Variants in GSE1 observed in about 807,000 individuals in gnomAD.
GSE1 encodes Gse1 coiled-coil protein, also known as genetic suppressor element 1.
GSE1 carries 32 observed loss-of-function variants against 112.6 expected under a neutral mutation model. The observed-to-expected ratio is 0.28, with a 90% CI of 0.21 to 0.38. The LOEUF (loss-of-function observed/expected upper bound fraction) is 0.38, where lower values mean the gene tolerates loss of function less well. GSE1 is among the 10% of genes least tolerant of loss of function. The pLI is 1.00. For synonymous variants in GSE1, 1,115 were observed against 735.6 expected, an observed-to-expected ratio of 1.52 and a Z score of -8.35; for missense variants, 2,348 against 1,699.2, an observed-to-expected ratio of 1.38 and a Z score of -6.71.
At chr16:85,416,300 G>T (rs1353697837) in intron 2 of GSE1, among the ~76,000 whole-genome samples, 3 of 152,236 alleles carry the variant, frequency 2.0e-5, no homozygotes, top group Non-Finnish European at 2.9e-5. Flanking sequence ...GGAGGGAGGG[G>T]CCCGGGGCCG....
intron 2 of GSE1, among the ~76,000 whole-genome samples, chr16:85,360,845 C>G (rs557654621): frequency 6.6e-6 from 1 of 151,902 alleles, no homozygotes; most frequent in East Asian, 1.9e-4. Context: ...CACACAGAAA[C>G]CCGTGACACA....
At chr16:85,192,498 G>A (rs772759312) in intron 1 of GSE1, among the ~76,000 whole-genome samples, 11 of 152,204 alleles carry the variant, frequency 7.2e-5, no homozygotes, top group African/African-American at 1.9e-4. Context: ...ATGGCCGCCC[G>A]TTGCTGGGTG....
At chr16:85,638,285 G>C (rs957787841) in intron 2 of GSE1, among the ~76,000 whole-genome samples, 6 of 152,196 alleles carry the variant, frequency 3.9e-5, no homozygotes, top group African/African-American at 1.4e-4. Context: ...GCCCTCGCTG[G>C]GATTTATTTT....
At chr16:85,521,168 C>T (rs28379836) in intron 2 of GSE1, among the ~76,000 whole-genome samples, 3,169 of 152,290 alleles carry the variant, frequency 0.021, 63 homozygotes, top group South Asian at 0.1. Context: ...CCACCGATTG[C>T]CATCCGCTGA....
chr16:85,635,393 C>A (rs1314319199), intron 2 of GSE1, among the ~76,000 whole-genome samples: 1 of 152,190 alleles, frequency 6.6e-6, no homozygotes, highest in African/African-American at 2.4e-5. Context: ...ACTCCCTGGC[C>A]ACACCTGAGC....
chr16:85,468,243 T>C (rs1020128621), intron 2 of GSE1, among the ~76,000 whole-genome samples: 1 of 151,452 alleles, frequency 6.6e-6, no homozygotes, highest in Admixed American at 6.6e-5. Context: ...GGTATGAAGC[T>C]CTCAGAGCCT....
At chr16:85,620,416 TGTG>T (rs1404593116) in intron 1 of GSE1, among the ~76,000 whole-genome samples, 15 of 152,242 alleles carry the variant, frequency 9.9e-5, no homozygotes, top group African/African-American at 2.9e-4. Flanking sequence ...GCATTTGACA[TGTG>T]GTATTTTTTC....
intron 2 of GSE1, among the ~76,000 whole-genome samples, chr16:85,430,396 A>G (rs1473926141): frequency 6.6e-6 from 1 of 152,170 alleles, no homozygotes; most frequent in South Asian, 2.1e-4. Context: ...AACCACAGAG[A>G]GGTTCAGCAA....
chr16:85,396,783 T>C (rs2047976401), intron 2 of GSE1, among the ~76,000 whole-genome samples: 1 of 152,194 alleles, frequency 6.6e-6, no homozygotes, highest in Non-Finnish European at 1.5e-5. Context: ...GGGGAGGCTG[T>C]CTGGGAAGCG....
chr16:85,431,075 G>GC (rs376544988), intron 2 of GSE1, among the ~76,000 whole-genome samples: 525 of 33,700 alleles, frequency 0.016, 2 homozygotes, highest in Non-Finnish European at 0.038. Context: ...CCACTGCCTC[G>GC]GGGGGCGGAT....
chr16:85,563,375 A>T (rs2045608320), intron 1 of GSE1, among the ~76,000 whole-genome samples: 1 of 152,212 alleles, frequency 6.6e-6, no homozygotes, highest in Non-Finnish European at 1.5e-5. Context: ...ACAAGTCTTT[A>T]GGGGAAAATG....
intron 5 of GSE1, 115 bp from the exon 6 acceptor site, chr16:85,655,611 G>T: frequency 1.5e-6 from 1 of 653,330 alleles, no homozygotes. Context: ...CAGCCATTTT[G>T]TCACGTTCCC....
intron 2 of GSE1, among the ~76,000 whole-genome samples, chr16:85,495,657 AT>A (rs201566572): frequency 7.3e-5 from 11 of 150,106 alleles, no homozygotes; most frequent in South Asian, 2.2e-4. Context: ...CGTCTAGCTA[AT>A]TTTTTAAAAA....
chr16:85,553,689 G>GT (rs1026002343), upstream of GSE1, among the ~76,000 whole-genome samples: 9 of 152,200 alleles, frequency 5.9e-5, 1 homozygote, highest in Admixed American at 1.3e-4. Context: ...CCTTGGCTCC[G>GT]AGCGCTCCGC....
intron 2 of GSE1, among the ~76,000 whole-genome samples, chr16:85,479,594 G>A (rs1296404269): frequency 6.6e-6 from 1 of 152,140 alleles, no homozygotes; most frequent in Non-Finnish European, 1.5e-5. Context: ...GTGAGCCACC[G>A]TGCCTGGCTT....
At chr16:85,531,450 G>C (rs2044133263) in intron 2 of GSE1, among the ~76,000 whole-genome samples, 1 of 152,172 alleles carries the variant, frequency 6.6e-6, no homozygotes, top group South Asian at 2.1e-4. Flanking sequence ...TGTCTCTGTG[G>C]TGTCGGGTAG....
chr16:85,352,355 T>C (rs1053059157), intron 1 of GSE1, among the ~76,000 whole-genome samples: 3 of 152,172 alleles, frequency 2.0e-5, no homozygotes, highest in African/African-American at 7.2e-5. Flanking sequence ...TTAAAGGTGG[T>C]GGCTGCGGTC....
intron 2 of GSE1, among the ~76,000 whole-genome samples, chr16:85,525,260 A>G (rs111897935): frequency 0.29 from 43,693 of 151,562 alleles, 6,348 homozygotes; most frequent in South Asian, 0.37. Flanking sequence ...TCCCCCCCCC[A>G]CTGATGGTGA....
intron 1 of GSE1, among the ~76,000 whole-genome samples, chr16:85,290,010 TAAG>T (rs2045159597): frequency 6.6e-6 from 1 of 152,158 alleles, no homozygotes; most frequent in South Asian, 2.1e-4. Flanking sequence ...AGGTGGGTGT[TAAG>T]AAGGCCGGGG....
Sources: allele counts gnomAD v4.1 joint callset (sites outside exome capture counted in the v4.1 genomes callset), GRCh38; gene constraint gnomAD v4.1.1; transcripts MANE v1.5; gene names NCBI Gene and HGNC (gene_info 2026-07-23, HGNC 2026-07-21).